TRIB1: variants seen among roughly 807,000 people sequenced by gnomAD.
TRIB1 encodes tribbles pseudokinase 1, also known as tribbles homolog 1.
Under a neutral mutation model 27.8 loss-of-function variants are expected in TRIB1, and 12 were observed. That is an observed-to-expected ratio of 0.43 (90% CI 0.28 to 0.70). TRIB1 has a LOEUF of 0.70. Ranked by LOEUF, TRIB1 falls within the 30% of genes least tolerant of loss-of-function variation. The pLI is 0.18. For missense variants in TRIB1, 475 were observed against 515.8 expected, an observed-to-expected ratio of 0.92 and a Z score of 0.77; for synonymous variants, 230 against 224.9, an observed-to-expected ratio of 1.02 and a Z score of -0.20.
chr8:125,431,142 A>G lies in TRIB1; in HGVS notation c.240A>G (p.Gly80=), dbSNP rs2129805554. 1.3e-5 allele frequency: 17 copies of G among 1,310,800 alleles called. No individual in the cohort carries two copies. Among genetic ancestry groups the G allele is most frequent in the Non-Finnish European group, 1.6e-5 (17 of 1,037,452 alleles). 81.2% of individuals were successfully genotyped at this position (1,310,800 alleles called of 1,614,324 possible). Residue 80 remains glycine (G), a synonymous_variant, in exon 1 of 3, where the codon GGA becomes GGG. Coordinates refer to ENST00000311922, the MANE Select transcript of TRIB1 (RefSeq NM_025195.4). ...QPPPAAPGAG[G]GSGSAPGPSR... Reference sequence around the variant, plus strand: ...CGCCTGCCGCTCCGGGGGCCGGCGGAGGCTCCGGGAGCGCGCCGGGGCCCA... The same window carrying G: ...CGCCTGCCGCTCCGGGGGCCGGCGGGGGCTCCGGGAGCGCGCCGGGGCCCA...
Position 125,436,251 on chromosome 8 carries a change from A to G in TRIB1, c.899A>G (p.Gln300Arg). 6.2e-7 allele frequency: 1 copy of G among 1,614,088 alleles called. No individual in the cohort carries two copies. The highest frequency in any genetic ancestry group is 8.5e-7 in the Non-Finnish European group (1 of 1,180,032). Residue 300 changes from glutamine (Q) to arginine (R), a missense_variant, in exon 3 of 3, where the codon CAG becomes CGG. Physicochemically the swap from Gln to Arg is conservative, Grantham distance 43. Coordinates refer to ENST00000311922, the MANE Select transcript of TRIB1 (RefSeq NM_025195.4). ...CTTTTCTCCAAAATTCGGCGTGGAC[A>G]GTTCTGCATTCCTGAGCACATTTCC... The part of the protein sequence containing the change: ...SALFSKIRRG[Q>R]FCIPEHISPK...
Position 125,430,540 on chromosome 8 carries a change from C to A in TRIB1, c.-363C>A, listed in dbSNP as rs1162241079. On this transcript the variant is annotated 5_prime_UTR_variant, in exon 1 of 3. Coordinates refer to ENST00000311922, the MANE Select transcript of TRIB1 (RefSeq NM_025195.4). The stretch of plus-strand genomic sequence containing the variant: ...CCGAGCCTGCTGAATCCTGTCCTCG[C>A]GGCTCGGGACCCCGGGATCGCTGAC... 9.6e-6 allele frequency: 2 copies of A among 209,202 alleles called. No individual in the cohort carries two copies. Among genetic ancestry groups the A allele is most frequent in the African/African-American group, 4.6e-5 (2 of 43,438 alleles). The allele number at this position is 209,202 out of a possible 1,614,324, so 13.0% of individuals were successfully genotyped here.
chr8:125,433,423 C>T lies in TRIB1; in HGVS notation c.467C>T (p.Ala156Val). 1.2e-6 allele frequency: 2 copies of T among 1,614,204 alleles called. No individual in the cohort carries two copies. The highest frequency in any genetic ancestry group is 2.7e-5 in the African/African-American group (2 of 75,042). The change falls in exon 2 of 3, where the codon GCC (alanine) becomes GTC (valine). Residue 156 changes from alanine (A) to valine (V), a missense_variant. Physicochemically the swap from Ala to Val is moderately conservative, Grantham distance 64. Transcript: ENST00000311922. The surrounding 1 kb of genome is among the most constrained non-coding windows in gnomAD (Gnocchi z 4.4). ...IVEVILGETKAYVFFEKDFGD... is the reference protein window; with the variant it reads ...IVEVILGETKVYVFFEKDFGD... ...GAAGTGATCCTTGGGGAAACCAAGG[C>T]CTATGTCTTCTTTGAGAAGGACTTT...
In TRIB1 at chr8:125,430,625, G is replaced by A; in HGVS notation, c.-278G>A. ...GGCAGCCTCGGCAACAATAGTGGCG[G>A]CCGCCCCCAGCGAGGCTCCGGGAGC... On this transcript the variant is annotated 5_prime_UTR_variant, in exon 1 of 3. Coordinates refer to ENST00000311922, the MANE Select transcript of TRIB1 (RefSeq NM_025195.4). 2.9e-6 allele frequency: 1 copy of A among 350,850 alleles called. No homozygotes were observed. Among genetic ancestry groups the A allele is most frequent in the Non-Finnish European group, 5.2e-6 (1 of 193,730 alleles). 21.7% of individuals were successfully genotyped at this position (350,850 alleles called of 1,614,324 possible).
In TRIB1 at chr8:125,436,463, T is replaced by G; in HGVS notation, c.1111T>G (p.Phe371Val). 6.2e-7 allele frequency: 1 copy of G among 1,613,112 alleles called. No individual in the cohort carries two copies. The highest frequency in any genetic ancestry group is 8.5e-7 in the Non-Finnish European group (1 of 1,179,184). The change falls in exon 3 of 3, where the codon TTC (phenylalanine) becomes GTC (valine). Residue 371 changes from phenylalanine to valine, a missense_variant. Transcript: ENST00000311922. The stretch of plus-strand genomic sequence containing the variant: ...GGAGGACAGTGACATTAGTTCCTTC[T>G]TCTGCTAATCCCCAAAACCTCAGAA... Reference protein sequence around the residue: ...YQEDSDISSFFC With the variant: ...YQEDSDISSFVC
chr8:125,434,937 A>C (rs1050439857), intron 2 of TRIB1, among the ~76,000 whole-genome samples: 1 of 152,148 alleles, frequency 6.6e-6, no homozygotes, highest in African/African-American at 2.4e-5. Flanking sequence ...AAAAAAAAAA[A>C]AACAGACCTT....
At position 125,433,394 on chromosome 8, in the gene TRIB1, T is replaced by C. The variant is rs1186034695; in HGVS notation, c.438T>C (p.Ile146=). The change falls in exon 2 of 3, where the codon ATT becomes ATC. Residue 146 remains isoleucine, a synonymous_variant. Transcript: ENST00000311922. The surrounding 1 kb of genome is among the most constrained non-coding windows in gnomAD (Gnocchi z 4.4). ...QLPSHSNITG[I]VEVILGETKA... ...CATCGCACAGCAACATTACTGGCAT[T>C]GTGGAAGTGATCCTTGGGGAAACCA... 1 of 1,614,182 alleles carries C rather than the reference T, an allele frequency of 6.2e-7. No individual in the cohort carries two copies. The highest frequency in any genetic ancestry group is 1.7e-5 in the Admixed American group (1 of 60,012).
At position 125,433,493 on chromosome 8, in the gene TRIB1, A is replaced by G; in HGVS notation, c.537A>G (p.Glu179=). Residue 179 remains glutamate, a synonymous_variant, in exon 2 of 3, where the codon GAA becomes GAG. Coordinates refer to ENST00000311922, the MANE Select transcript of TRIB1 (RefSeq NM_025195.4). This position sits in a 1 kb window ranked among gnomAD's most constrained non-coding sequence, Gnocchi z 4.4. ...TGCGAAGCCGGAAGAGGCTGCGGGAAGAGGAAGCCGCCCGGCTCTTCAAGC... is the reference window on the plus strand; with the variant it reads ...TGCGAAGCCGGAAGAGGCTGCGGGAGGAGGAAGCCGCCCGGCTCTTCAAGC... ...SYVRSRKRLR[E]EEAARLFKQI... The G allele has an allele frequency of 6.2e-7, 1 of 1,614,250 alleles. No individual in the cohort carries two copies. The highest frequency in any genetic ancestry group is 2.2e-5 in the East Asian group (1 of 44,892).
intron 2 of TRIB1, among the ~76,000 whole-genome samples, chr8:125,435,237 A>G (rs1444696922): frequency 6.6e-6 from 1 of 152,152 alleles, no homozygotes; most frequent in Admixed American, 6.5e-5. Context: ...ATATGCTCAC[A>G]TGTTGATGTG....
Position 125,433,616 on chromosome 8 carries a change from G to A in TRIB1, c.653+7G>A, listed in dbSNP as rs181244372. ...TCTTCTCCACGGAGGAGAGGTGAGC[G>A]GCCGCCACAGCTTCTCCTGTGGCCT... is the stretch of plus-strand genomic sequence containing the variant. On this transcript the variant is annotated splice_region_variant and intron_variant, in intron 2 of 2. Transcript: ENST00000311922. The surrounding 1 kb of genome is among the most constrained non-coding windows in gnomAD (Gnocchi z 4.4). The A allele has an allele frequency of 1.9e-5, 30 of 1,598,744 alleles. No individual in the cohort carries two copies. Among genetic ancestry groups the A allele is most frequent in the African/African-American group, 1.9e-4 (14 of 74,744 alleles).
chr8:125,436,226 C>A lies in TRIB1; in HGVS notation c.874C>A (p.Leu292Ile). The A allele has an allele frequency of 1.9e-6, 3 of 1,614,116 alleles. No homozygotes were observed. The highest frequency in any genetic ancestry group is 2.5e-6 in the Non-Finnish European group (3 of 1,180,040). The change falls in exon 3 of 3, where the codon CTT (leucine) becomes ATT (isoleucine). Residue 292 changes from leucine (L) to isoleucine (I), a missense_variant. Coordinates refer to ENST00000311922, the MANE Select transcript of TRIB1 (RefSeq NM_025195.4). ...YPFHDSDPSALFSKIRRGQFC... is the reference protein window; with the variant it reads ...YPFHDSDPSAIFSKIRRGQFC... Reference sequence around the variant, plus strand: ...CTTCCATGACTCAGACCCCAGTGCCCTTTTCTCCAAAATTCGGCGTGGACA... The same window carrying A: ...CTTCCATGACTCAGACCCCAGTGCCATTTTCTCCAAAATTCGGCGTGGACA...
Position 125,433,503 on chromosome 8 carries a change from GC to G in TRIB1, c.550del (p.Arg184GlyfsTer23). The G allele has an allele frequency of 6.2e-7, 1 of 1,614,188 alleles. No individual in the cohort carries two copies. Among genetic ancestry groups the G allele is most frequent in the Non-Finnish European group, 8.5e-7 (1 of 1,180,034 alleles). On this transcript the variant is annotated frameshift_variant, in exon 2 of 3. Transcript: ENST00000311922. LOFTEE classifies it high-confidence loss of function. This position sits in a 1 kb window ranked among gnomAD's most constrained non-coding sequence, Gnocchi z 4.4. ...GAAGAGGCTGCGGGAAGAGGAAGCC[GC>G]CCGGCTCTTCAAGCAGATTGTCTCC... ...SRKRLREEEA[A>X]RLFKQIVSAV...
chr8:125,435,163 C>G (rs947388568), intron 2 of TRIB1, among the ~76,000 whole-genome samples: 1 of 151,968 alleles, frequency 6.6e-6, no homozygotes, highest in Non-Finnish European at 1.5e-5. Context: ...CATAAGAGAG[C>G]CTTTGACTGA....
Position 125,432,213 on chromosome 8 carries a change from T to C in TRIB1, c.360+951T>C, listed in dbSNP as rs540261151. 4.6e-5 allele frequency: 45 copies of C among 983,976 alleles called. 1 individual carries two copies. In the South Asian group the frequency reaches 1.6e-3, roughly 36 times the overall value. 61.0% of individuals were successfully genotyped at this position (983,976 alleles called of 1,614,324 possible). On this transcript the variant is annotated intron_variant, in intron 1 of 2. Transcript: ENST00000311922. ...CCCGGGGCTCGCTGCTGCCACCTAC[T>C]GCCCAACCCGAATGAAATTTCAGAC...
rs1390081889 is a variant in TRIB1 at position 125,433,311 on chromosome 8, C to T, written c.361-6C>T. 10 of 1,611,710 alleles carry T rather than the reference C, an allele frequency of 6.2e-6. No homozygotes were observed. Among genetic ancestry groups the T allele is most frequent in the Middle Eastern group, 1.6e-4 (1 of 6,074 alleles). ...CCCCCTAAACGGGCCCCCCTTCTCT[C>T]TACAGGTGTTTCCCATTAAACACTA... is the stretch of plus-strand genomic sequence containing the variant. On this transcript the variant is annotated splice_polypyrimidine_tract_variant and splice_region_variant and intron_variant, in intron 1 of 2. Transcript: ENST00000311922. This position sits in a 1 kb window ranked among gnomAD's most constrained non-coding sequence, Gnocchi z 4.4.
In TRIB1 at chr8:125,433,065, C is replaced by T. The variant is rs1231860636; in HGVS notation, c.361-252C>T. ...GAACATGTACAGGAGACAGTTCTTT[C>T]AAATCATCTGTGTGAAAGCGGGTAA... On this transcript the variant is annotated intron_variant, in intron 1 of 2. Coordinates refer to ENST00000311922, the MANE Select transcript of TRIB1 (RefSeq NM_025195.4). This position sits in a 1 kb window ranked among gnomAD's most constrained non-coding sequence, Gnocchi z 4.4. The T allele has an allele frequency of 4.1e-6, 2 of 488,828 alleles. No individual in the cohort carries two copies. Among genetic ancestry groups the T allele is most frequent in the Non-Finnish European group, 3.7e-6 (1 of 271,344 alleles). 30.3% of individuals were successfully genotyped at this position (488,828 alleles called of 1,614,324 possible).
In TRIB1 at chr8:125,436,343, G is replaced by A. The variant is rs755232835; in HGVS notation, c.991G>A (p.Glu331Lys). ...REPSERLTAP[E>K]ILLHPWFESV... ...GCCCTCCGAGAGACTCACTGCCCCC[G>A]AGATCCTACTGCACCCCTGGTTTGA... Residue 331 changes from glutamate (E) to lysine (K), a missense_variant, in exon 3 of 3, where the codon GAG becomes AAG. Physicochemically the swap from Glu to Lys is moderately conservative, Grantham distance 56 (BLOSUM62 1). Transcript: ENST00000311922. The A allele has an allele frequency of 3.7e-6, 6 of 1,613,690 alleles. No homozygotes were observed. Among genetic ancestry groups the A allele is most frequent in the Non-Finnish European group, 5.1e-6 (6 of 1,179,984 alleles).
rs1015896847 is a variant in TRIB1, at chr8:125,433,632, C to T, written c.653+23C>T. On this transcript the variant is annotated intron_variant, in intron 2 of 2. Transcript: ENST00000311922. This position sits in a 1 kb window ranked among gnomAD's most constrained non-coding sequence, Gnocchi z 4.4. ...GAGGTGAGCGGCCGCCACAGCTTCT[C>T]CTGTGGCCTTTTGGAACCAAAGCGG... is the stretch of plus-strand genomic sequence containing the variant. The T allele has an allele frequency of 6.3e-7, 1 of 1,594,006 alleles. No homozygotes were observed. The highest frequency in any genetic ancestry group is 1.7e-5 in the Admixed American group (1 of 59,370).
Position 125,431,084 on chromosome 8 carries a change from G to GC in TRIB1, c.189dup (p.Gly64ArgfsTer62). 24 of 1,393,398 alleles carry GC rather than the reference G, an allele frequency of 1.7e-5. No homozygotes were observed. The highest frequency in any genetic ancestry group is 1.1e-4 in the South Asian group (7 of 63,568). The allele number at this position is 1,393,398 out of a possible 1,614,324, so 86.3% of individuals were successfully genotyped here. Reference sequence around the variant, plus strand: ...TGCTCCAGCCCCCCGGACTACCTCAGCCCCCCCGGCTCGCCCTGCAGCCCG... The same window carrying GC: ...TGCTCCAGCCCCCCGGACTACCTCAGCCCCCCCCGGCTCGCCCTGCAGCCCG... On this transcript the variant is annotated frameshift_variant, in exon 1 of 3. Coordinates refer to ENST00000311922, the MANE Select transcript of TRIB1 (RefSeq NM_025195.4). LOFTEE classifies it high-confidence loss of function.
Sources: allele counts gnomAD v4.1 joint callset (sites outside exome capture counted in the v4.1 genomes callset), GRCh38; gene constraint gnomAD v4.1.1; non-coding constraint Gnocchi (gnomAD v3.1); transcripts MANE v1.5; gene names NCBI Gene and HGNC (gene_info 2026-07-23, HGNC 2026-07-21).